Variants in PIK3C2A observed in about 807,000 individuals in gnomAD.
The protein encoded by PIK3C2A is phosphatidylinositol 4-phosphate 3-kinase C2 domain-containing subunit alpha.
In PIK3C2A, 97 loss-of-function variants were observed where a neutral mutation model predicts 204.5. The observed-to-expected ratio is 0.47, with a 90% confidence interval of 0.40 to 0.56. The LOEUF is 0.56. PIK3C2A is among the 20% of genes least tolerant of loss of function. The pLI is 0.00. For synonymous variants in PIK3C2A, 653 were observed against 664.4 expected (o/e 0.98, Z 0.26); for missense variants, 1,735 against 1,969.2 (o/e 0.88, Z 2.25).
chr11:17,122,763 G>C lies in PIK3C2A; in HGVS notation c.2450C>G (p.Thr817Arg). 1 of 1,572,158 alleles carries C rather than the reference G, an allele frequency of 6.4e-7. No individual in the cohort carries two copies. Reference sequence around the variant, plus strand: ...GGTAACTGTTCCAGGAACAGAATTTGTATGTGATGAAGTCCAAAGATATAG... The same window carrying C: ...GGTAACTGTTCCAGGAACAGAATTTCTATGTGATGAAGTCCAAAGATATAG... Reference protein sequence around the residue: ...KLLYLWTSSHTNSVPGTVTKK... With the variant: ...KLLYLWTSSHRNSVPGTVTKK... Residue 817 changes from threonine to arginine, a missense_variant, in exon 14 of 33, where the codon ACA becomes AGA. Around this residue, in one of 6 missense-constraint regions of PIK3C2A, gnomAD observed 567 missense variants for 576.0 expected, o/e 0.98. Coordinates refer to ENST00000691414, the MANE Select transcript of PIK3C2A (RefSeq NM_002645.4).
intron 27 of PIK3C2A, 56 bp downstream of exon 27, chr11:17,097,001 G>A: frequency 9.6e-7 from 1 of 1,041,202 alleles, no homozygotes; most frequent in Non-Finnish European, 1.5e-6. Context: ...AAAGGAAGTA[G>A]AAAGGACAAC....
intron 15 of PIK3C2A, among the ~76,000 whole-genome samples, chr11:17,121,411 C>T (rs1393183417): frequency 6.6e-6 from 1 of 152,164 alleles, no homozygotes; most frequent in African/African-American, 2.4e-5. Flanking sequence ...GCCACCACGC[C>T]CAGTCTCCGA....
intron 2 of PIK3C2A, among the ~76,000 whole-genome samples, chr11:17,166,146 T>G (rs1850939531): frequency 6.6e-6 from 1 of 152,196 alleles, no homozygotes; most frequent in Admixed American, 6.5e-5. Context: ...CCTTTTAACT[T>G]CTTTACATCT....
chr11:17,188,425 TAGAG>T (rs1232253718), intron 1 of PIK3C2A, among the ~76,000 whole-genome samples: 2 of 146,518 alleles, frequency 1.4e-5, no homozygotes, highest in Non-Finnish European at 2.9e-5. Context: ...AGCCCTTTAA[TAGAG>T]AGAGAGGCCC....
At chr11:17,091,280 G>A in intron 32 of PIK3C2A, 54 bp downstream of exon 32, 2 of 1,527,352 alleles carry the variant, frequency 1.3e-6, no homozygotes, top group Non-Finnish European at 1.8e-6. Flanking sequence ...ACTTAAAAAT[G>A]AAAATTAAAA....
At chr11:17,163,854 AG>A (rs1358068651) in intron 2 of PIK3C2A, among the ~76,000 whole-genome samples, 13 of 151,758 alleles carry the variant, frequency 8.6e-5, no homozygotes. Context: ...CATGACTTTC[AG>A]GTATTCTACT....
chr11:17,122,846 C>A (rs747835831), intron 13 of PIK3C2A, 33 bp from the exon 14 acceptor site: 37 of 903,264 alleles, frequency 4.1e-5, no homozygotes, highest in Non-Finnish European at 6.0e-5. Flanking sequence ...ATGTGATTTT[C>A]ATTTTAAAAA....
At chr11:17,203,671 T>A (rs1377242681) in intron 1 of PIK3C2A, among the ~76,000 whole-genome samples, 3 of 152,138 alleles carry the variant, frequency 2.0e-5, no homozygotes, top group Non-Finnish European at 4.4e-5. Context: ...CCTCTAGATC[T>A]TTTTTGTGGT....
intron 3 of PIK3C2A, among the ~76,000 whole-genome samples, chr11:17,152,999 T>C (rs1218274504): frequency 6.6e-6 from 1 of 152,148 alleles, no homozygotes; most frequent in Non-Finnish European, 1.5e-5. Context: ...AGGATATAAA[T>C]AGTATATATA....
chr11:17,164,337 G>C (rs1349566644), intron 2 of PIK3C2A, among the ~76,000 whole-genome samples: 2 of 145,374 alleles, frequency 1.4e-5, no homozygotes, highest in Non-Finnish European at 3.0e-5. Context: ...AGGTAAAACA[G>C]TGTGAGACCC....
At chr11:17,177,113 A>G (rs1851364015) in intron 1 of PIK3C2A, among the ~76,000 whole-genome samples, 1 of 152,200 alleles carries the variant, frequency 6.6e-6, no homozygotes, top group African/African-American at 2.4e-5. Context: ...AATGCACTTT[A>G]AAGTTATCTG....
Position 17,134,939 on chromosome 11 carries a change from C to T in PIK3C2A, c.1988G>A (p.Gly663Asp), listed in dbSNP as rs1849821244. ...YDLLRLHANS[G>D]RSPTDCAQSS... ...TTGGGCACAGTCTGTAGGACTCCTA[C>T]CAGAATTTGCATGGAGTCTGAGAAG... Residue 663 changes from glycine (G) to aspartate (D), a missense_variant, in exon 11 of 33, where the codon GGT (glycine) becomes GAT (aspartate). By Grantham distance (94) the Gly-to-Asp change is moderately conservative. Coordinates refer to ENST00000691414, the MANE Select transcript of PIK3C2A (RefSeq NM_002645.4). 6.2e-7 allele frequency: 1 copy of T among 1,613,642 alleles called. No individual in the cohort carries two copies. The highest frequency in any genetic ancestry group is 8.5e-7 in the Non-Finnish European group (1 of 1,179,584).
At chr11:17,195,795 T>C (rs539863325) in intron 1 of PIK3C2A, among the ~76,000 whole-genome samples, 1 of 150,100 alleles carries the variant, frequency 6.7e-6, no homozygotes, top group South Asian at 2.1e-4. Flanking sequence ...ATCCCAGCAC[T>C]TTGGGAGGCC....
chr11:17,126,407 A>T (rs1176875982), intron 13 of PIK3C2A, among the ~76,000 whole-genome samples: 2 of 152,288 alleles, frequency 1.3e-5, no homozygotes, highest in South Asian at 2.1e-4. Context: ...AAAGTTTTTT[A>T]AAAAAGAACT....
intron 19 of PIK3C2A, chr11:17,115,551 G>GAAAAAAAAA (rs35301968): frequency 1.2e-4 from 11 of 93,654 alleles, no homozygotes; most frequent in African/African-American, 2.1e-4. Context: ...GGAAAAAAAG[G>GAAAAAAAAA]AAAAAAAAAA....
chr11:17,091,936 C>T (rs7113396), intron 30 of PIK3C2A, 60 bp downstream of exon 30: 1,039,293 of 1,040,174 alleles, frequency 1, 519,219 homozygotes, highest in East Asian at 1. Flanking sequence ...CCACATTCAT[C>T]GAGAAGTTAC....
At chr11:17,197,490 C>T (rs967795958) in intron 1 of PIK3C2A, among the ~76,000 whole-genome samples, 1 of 152,104 alleles carries the variant, frequency 6.6e-6, no homozygotes, top group African/African-American at 2.4e-5. Flanking sequence ...TAGTCTTCAG[C>T]CCTTAGGAGC....
intron 1 of PIK3C2A, among the ~76,000 whole-genome samples, chr11:17,175,522 C>T (rs1039919055): frequency 2.6e-5 from 4 of 152,066 alleles, no homozygotes; most frequent in African/African-American, 7.2e-5. Flanking sequence ...AAATAATTTC[C>T]TACATCCTAA....
intron 1 of PIK3C2A, among the ~76,000 whole-genome samples, chr11:17,186,702 C>T (rs1851764257): frequency 6.6e-6 from 1 of 152,180 alleles, no homozygotes; most frequent in Non-Finnish European, 1.5e-5. Flanking sequence ...AGCCACATGG[C>T]CCTTTTTAGT....
Sources: gnomAD v4.1 joint callset for allele counts (sites outside exome capture counted in the v4.1 genomes callset) on GRCh38, gnomAD v4.1.1 for gene constraint, gnomAD v4.1.1 regional missense constraint, MANE v1.5 for transcripts, NCBI Gene and HGNC (gene_info 2026-07-23, HGNC 2026-07-21) for gene names.